The following POFUT3 variants were observed in gnomAD, a reference collection of about 807,000 sequenced individuals.
The protein encoded by POFUT3 is GDP-fucose protein O-fucosyltransferase 3.
chr8:33,418,073 C>A, the POFUT3 span, among the ~76,000 whole-genome samples: 21 of 152,172 alleles, frequency 1.4e-4, no homozygotes, highest in Admixed American at 7.2e-4. Flanking sequence ...ACCTAAGCGG[C>A]TACAGCAACG....
chr8:33,364,623 C>G, the POFUT3 span, among the ~76,000 whole-genome samples: 1 of 151,972 alleles, frequency 6.6e-6, no homozygotes, highest in Non-Finnish European at 1.5e-5. Flanking sequence ...TCCTACACAC[C>G]ATTAACAGAC....
At chr8:33,310,451 C>T in the POFUT3 span, among the ~76,000 whole-genome samples, 1 of 152,044 alleles carries the variant, frequency 6.6e-6, no homozygotes, top group Non-Finnish European at 1.5e-5. Flanking sequence ...GTGACTCATA[C>T]CTATAATCCC....
At chr8:33,433,362 G>T in the POFUT3 span, among the ~76,000 whole-genome samples, 1 of 152,208 alleles carries the variant, frequency 6.6e-6, no homozygotes, top group Non-Finnish European at 1.5e-5. Context: ...TGTAATCCCA[G>T]CACTTTGGCA....
chr8:33,408,098 A>G, the POFUT3 span, among the ~76,000 whole-genome samples: 2 of 151,222 alleles, frequency 1.3e-5, no homozygotes, highest in African/African-American at 4.9e-5. Context: ...CTAAGGTGGG[A>G]GGATCACTTG....
At chr8:33,358,627 G>A in the POFUT3 span, among the ~76,000 whole-genome samples, 1 of 152,150 alleles carries the variant, frequency 6.6e-6, no homozygotes, top group African/African-American at 2.4e-5. Context: ...CCTGCAAGAT[G>A]ATGGTATTAG....
chr8:33,309,600 AGAT>A, the POFUT3 span, among the ~76,000 whole-genome samples: 3 of 152,126 alleles, frequency 2.0e-5, no homozygotes, highest in Admixed American at 1.3e-4. Context: ...CCATGCAGTC[AGAT>A]GATTGATGAA....
At chr8:33,370,044 TTGAA>T in the POFUT3 span, among the ~76,000 whole-genome samples, 1 of 151,626 alleles carries the variant, frequency 6.6e-6, no homozygotes, top group Non-Finnish European at 1.5e-5. Flanking sequence ...AAATTAGTCA[TTGAA>T]TGGCCAGGCG....
chr8:33,309,159 AAAAAAAAAAT>A, the POFUT3 span, among the ~76,000 whole-genome samples: 2 of 53,890 alleles, frequency 3.7e-5, no homozygotes, highest in Non-Finnish European at 5.8e-5. Flanking sequence ...AAAAAAAAAA[AAAAAAAAAAT>A]ATATATATAT....
At chr8:33,331,824 C>T in the POFUT3 span, among the ~76,000 whole-genome samples, 2,290 of 152,008 alleles carry the variant, frequency 0.015, 55 homozygotes, top group African/African-American at 0.052. Context: ...TACAGGCGCC[C>T]GCCACCACGC....
At chr8:33,382,760 A>G in the POFUT3 span, among the ~76,000 whole-genome samples, 3 of 152,134 alleles carry the variant, frequency 2.0e-5, no homozygotes, top group Non-Finnish European at 2.9e-5. Flanking sequence ...TTAACAGTAG[A>G]TCATTAGACT....
the POFUT3 span, among the ~76,000 whole-genome samples, chr8:33,388,115 C>T: frequency 6.6e-6 from 1 of 152,016 alleles, no homozygotes; most frequent in African/African-American, 2.4e-5. Context: ...AGGATTATCC[C>T]CACCATTATT....
At chr8:33,386,727 G>A in the POFUT3 span, among the ~76,000 whole-genome samples, 3 of 151,832 alleles carry the variant, frequency 2.0e-5, no homozygotes, top group African/African-American at 4.8e-5. Context: ...GGAGAATGGC[G>A]TGAACCCGGG....
chr8:33,418,449 C>T, the POFUT3 span, among the ~76,000 whole-genome samples: 14 of 144,650 alleles, frequency 9.7e-5, no homozygotes, highest in South Asian at 2.2e-4. Flanking sequence ...ATTATAGGCA[C>T]GCACCACCAC....
the POFUT3 span, among the ~76,000 whole-genome samples, chr8:33,468,503 T>A: frequency 2.0e-5 from 3 of 152,110 alleles, no homozygotes; most frequent in African/African-American, 7.2e-5. Flanking sequence ...ATCAAATAGG[T>A]TTGACTCTCC....
chr8:33,396,416 T>C, the POFUT3 span, among the ~76,000 whole-genome samples: 1 of 152,234 alleles, frequency 6.6e-6, no homozygotes, highest in African/African-American at 2.4e-5. Context: ...TTTCAAAAGC[T>C]TGGAACTTCC....
the POFUT3 span, among the ~76,000 whole-genome samples, chr8:33,392,862 T>C: frequency 6.6e-6 from 1 of 152,176 alleles, no homozygotes; most frequent in South Asian, 2.1e-4. Context: ...TGCATGCCTA[T>C]AATCCCAGCT....
At chr8:33,355,661 AT>A in the POFUT3 span, among the ~76,000 whole-genome samples, 74 of 149,276 alleles carry the variant, frequency 5.0e-4, no homozygotes, top group East Asian at 5.9e-3. Flanking sequence ...CAACACATTT[AT>A]TTTTTTTTTG....
chr8:33,434,784 A>T, the POFUT3 span, among the ~76,000 whole-genome samples: 1 of 152,244 alleles, frequency 6.6e-6, no homozygotes, highest in Admixed American at 6.5e-5. Flanking sequence ...ACCCCTGCTA[A>T]AGCCACTGCA....
At chr8:33,356,944 C>T in the POFUT3 span, among the ~76,000 whole-genome samples, 1 of 152,072 alleles carries the variant, frequency 6.6e-6, no homozygotes, top group Non-Finnish European at 1.5e-5. Context: ...TTCCCCATTG[C>T]TTGTTTTTCT....
Sources: gnomAD v4.1 joint callset for allele counts (sites outside exome capture counted in the v4.1 genomes callset) on GRCh38, gnomAD v4.1.1 for gene constraint, MANE v1.5 for transcripts, NCBI Gene and HGNC (gene_info 2026-07-23, HGNC 2026-07-21) for gene names.